The following BCAS3 variants were observed in gnomAD, a reference collection of about 807,000 sequenced individuals.
The protein encoded by BCAS3 is BCAS4/BCAS3 fusion.
In BCAS3, 53 loss-of-function variants were observed where a neutral mutation model predicts 116.1. The ratio of observed to expected loss-of-function variants is 0.46; its 90% CI spans 0.37 to 0.57. The LOEUF (loss-of-function observed/expected upper bound fraction) is 0.57. Ranked by LOEUF, BCAS3 falls within the 20% of genes least tolerant of loss-of-function variation. BCAS3 has a pLI of 0.00. For missense variants in BCAS3, 917 were observed against 1,165.4 expected (o/e 0.79, Z 3.10); for synonymous variants, 391 against 408.2 (o/e 0.96, Z 0.51).
At chr17:61,055,420 A>T (rs1249194857) in intron 19 of BCAS3, among the ~76,000 whole-genome samples, 2 of 152,196 alleles carry the variant, frequency 1.3e-5, no homozygotes, top group Non-Finnish European at 2.9e-5. Flanking sequence ...TGACTCCATT[A>T]AGTGTGCAGA....
intron 19 of BCAS3, among the ~76,000 whole-genome samples, chr17:61,069,016 G>T (rs919610452): frequency 6.6e-6 from 1 of 152,126 alleles, no homozygotes; most frequent in African/African-American, 2.4e-5. Flanking sequence ...AGGAGCAAAA[G>T]AGAGGATAAT....
chr17:60,750,759 C>A (rs746915705), intron 6 of BCAS3, among the ~76,000 whole-genome samples: 2 of 152,146 alleles, frequency 1.3e-5, no homozygotes, highest in Admixed American at 1.3e-4. Flanking sequence ...TACTGAATTT[C>A]TTTTATTTCC....
chr17:61,300,254 G>A lies in BCAS3; in HGVS notation c.2426-68073G>A, dbSNP rs982386721. Among the ~76,000 whole-genome samples the A allele has an allele frequency of 1.3e-5, 2 of 152,090 alleles. No homozygotes were observed. Among genetic ancestry groups the A allele is most frequent in the South Asian group, 2.1e-4 (1 of 4,812 alleles). ...CAGTCCCAGTTGGTTTCACTGTCCC[G>A]AGACCCTAAGGATGTTTTCGTAGAG... is the stretch of plus-strand genomic sequence containing the variant. On this transcript the variant is annotated intron_variant, in intron 22 of 23. Transcript: ENST00000407086. This position sits in a 1 kb window ranked among gnomAD's most constrained non-coding sequence, Gnocchi z 5.1.
intron 22 of BCAS3, among the ~76,000 whole-genome samples, chr17:61,175,564 G>A (rs2079086081): frequency 6.6e-6 from 1 of 152,146 alleles, no homozygotes; most frequent in Admixed American, 6.5e-5. Flanking sequence ...TTATGTGAAT[G>A]TTTGGAATCA....
chr17:60,903,562 C>T (rs940523969), intron 11 of BCAS3, among the ~76,000 whole-genome samples: 4 of 152,194 alleles, frequency 2.6e-5, no homozygotes, highest in Non-Finnish European at 4.4e-5. Flanking sequence ...GAACACCCAC[C>T]TCAGCCTTCC....
chr17:61,384,102 C>T (rs559475676), intron 23 of BCAS3, among the ~76,000 whole-genome samples: 3 of 152,316 alleles, frequency 2.0e-5, no homozygotes, highest in South Asian at 4.1e-4. Context: ...TCCTCCAGGC[C>T]CCCCATTGGC....
At chr17:60,818,760 T>A (rs969153488) in intron 7 of BCAS3, among the ~76,000 whole-genome samples, 2 of 152,150 alleles carry the variant, frequency 1.3e-5, no homozygotes, top group Non-Finnish European at 2.9e-5. Context: ...GTACCTGGGT[T>A]TTCTTCTAGC....
Position 60,919,739 on chromosome 17 carries a change from A to T in BCAS3, c.994-4668A>T, listed in dbSNP as rs74740213. Among the ~76,000 whole-genome samples the T allele has an allele frequency of 2.7e-3, 408 of 152,040 alleles. 3 individuals carry two copies. Among genetic ancestry groups the T allele is most frequent in the Middle Eastern group, 0.01 (3 of 294 alleles). On this transcript the variant is annotated intron_variant, in intron 12 of 23. Transcript: ENST00000407086. ...GTAATACATAGGAAGATAATAACTC[A>T]AAGGAGTAGGTAGCAGATGCCAGTA...
chr17:60,705,206 G>C (rs192834511), intron 4 of BCAS3, among the ~76,000 whole-genome samples: 1 of 152,202 alleles, frequency 6.6e-6, no homozygotes, highest in East Asian at 1.9e-4. Context: ...CAGGATTTAC[G>C]ATAGATACCA....
chr17:61,135,436 A>C (rs191199981), intron 22 of BCAS3, among the ~76,000 whole-genome samples: 1 of 152,372 alleles, frequency 6.6e-6, no homozygotes, highest in East Asian at 1.9e-4. Flanking sequence ...TAAGTATTAC[A>C]AACAAGCTAA....
At chr17:60,907,998 C>T (rs1330095332) in intron 11 of BCAS3, among the ~76,000 whole-genome samples, 3 of 152,140 alleles carry the variant, frequency 2.0e-5, no homozygotes, top group Admixed American at 2.0e-4. Flanking sequence ...CAGAAAACTT[C>T]CAGCACTTTT....
At chr17:61,338,117 C>T (rs2056865112) in intron 22 of BCAS3, among the ~76,000 whole-genome samples, 1 of 152,200 alleles carries the variant, frequency 6.6e-6, no homozygotes, top group Non-Finnish European at 1.5e-5. Context: ...GGATGAATAA[C>T]CATAAATCCA....
At chr17:61,093,623 G>A (rs1345160277) in intron 22 of BCAS3, among the ~76,000 whole-genome samples, 1 of 152,144 alleles carries the variant, frequency 6.6e-6, no homozygotes, top group Non-Finnish European at 1.5e-5. Flanking sequence ...TGTAGGGCAG[G>A]GATCAAGGTG....
rs1004617051 is a variant in BCAS3, at chr17:61,392,505, C to G, written c.*380C>G. 1 of 177,192 alleles carries G rather than the reference C, an allele frequency of 5.6e-6. No individual in the cohort carries two copies. The highest frequency in any genetic ancestry group is 2.4e-5 in the African/African-American group (1 of 42,224). The allele number at this position is 177,192 out of a possible 1,614,324, so 11.0% of individuals were successfully genotyped here. A position where few individuals can be genotyped will look rare whatever the true frequency, so the allele number is the denominator to read the frequency against. ...GGGCCTGAGTGGGGACAGAGTTGAT[C>G]GTCCACCTGGCCATTTTGACCCTGA... On this transcript the variant is annotated 3_prime_UTR_variant, in exon 24 of 24. Coordinates refer to ENST00000407086, the MANE Select transcript of BCAS3 (RefSeq NM_017679.5). The surrounding 1 kb of genome is among the most constrained non-coding windows in gnomAD (Gnocchi z 6.4).
At position 61,326,144 on chromosome 17, in the gene BCAS3, A is replaced by G. The variant is rs866444571; in HGVS notation, c.2426-42183A>G. Among the ~76,000 whole-genome samples, 1 of 152,204 alleles carries G rather than the reference A, an allele frequency of 6.6e-6. No homozygotes were observed. The highest frequency in any genetic ancestry group is 1.5e-5 in the Non-Finnish European group (1 of 68,030). ...TCAGATAATCTCACAAATTAACATA[A>G]TTACAAATTGTGTGAAGTATAATGA... On this transcript the variant is annotated intron_variant, in intron 22 of 23. Transcript: ENST00000407086. The surrounding 1 kb of genome is among the most constrained non-coding windows in gnomAD (Gnocchi z 5.3).
intron 6 of BCAS3, among the ~76,000 whole-genome samples, chr17:60,780,092 C>T (rs1361297338): frequency 6.6e-6 from 1 of 151,302 alleles, no homozygotes; most frequent in African/African-American, 2.4e-5. Context: ...TGGATTCAAG[C>T]GATTCTTCTG....
rs1229579151 is a variant in BCAS3 at position 61,013,631 on chromosome 17, G to T, written c.1487-2120G>T. Among the ~76,000 whole-genome samples the T allele has an allele frequency of 6.6e-6, 1 of 152,070 alleles. No individual in the cohort carries two copies. The highest frequency in any genetic ancestry group is 2.4e-5 in the African/African-American group (1 of 41,412). ...TCTGTCTTTTGTTATTCCTGCAACA[G>T]GTGTAGATGGCTTCTGTTAACTTTA... On this transcript the variant is annotated intron_variant, in intron 15 of 23. Coordinates refer to ENST00000407086, the MANE Select transcript of BCAS3 (RefSeq NM_017679.5). This position sits in a 1 kb window ranked among gnomAD's most constrained non-coding sequence, Gnocchi z 4.4.
At chr17:60,849,755 T>C (rs2052900679) in intron 7 of BCAS3, among the ~76,000 whole-genome samples, 1 of 152,052 alleles carries the variant, frequency 6.6e-6, no homozygotes, top group Admixed American at 6.5e-5. Flanking sequence ...CTTCTTCCTT[T>C]TCCTCCTCCT....
rs1195982085 is a variant in BCAS3 at position 61,362,131 on chromosome 17, C to T, written c.2426-6196C>T. 1.3e-5 allele frequency among the ~76,000 whole-genome samples: 2 copies of T among 152,318 alleles called. No homozygotes were observed. The highest frequency in any genetic ancestry group is 1.5e-5 in the Non-Finnish European group (1 of 68,028). The stretch of plus-strand genomic sequence containing the variant: ...TGTCCTCAGCCTGTGCTTATGGGAA[C>T]CAACTTGTAGTGTGGAGAAAGGGGT... On this transcript the variant is annotated intron_variant, in intron 22 of 23. Coordinates refer to ENST00000407086, the MANE Select transcript of BCAS3 (RefSeq NM_017679.5). This position sits in a 1 kb window ranked among gnomAD's most constrained non-coding sequence, Gnocchi z 4.4.
Sources: gnomAD v4.1 joint callset for allele counts (sites outside exome capture counted in the v4.1 genomes callset) on GRCh38, gnomAD v4.1.1 for gene constraint, Gnocchi (gnomAD v3.1) non-coding constraint, MANE v1.5 for transcripts, NCBI Gene and HGNC (gene_info 2026-07-23, HGNC 2026-07-21) for gene names.